Variants in DSCAML1 observed in about 807,000 individuals in gnomAD.
DSCAML1 encodes cell adhesion molecule DSCAML1.
In DSCAML1, 38 loss-of-function variants were observed where a neutral mutation model predicts 200.5. The observed-to-expected ratio is 0.19, with a 90% confidence interval of 0.15 to 0.25. The LOEUF (loss-of-function observed/expected upper bound fraction) is 0.25, where lower values mean the gene tolerates loss of function less well. DSCAML1 is among the 10% of genes least tolerant of loss of function. The pLI is 1.00. For synonymous variants in DSCAML1, 1,215 were observed against 1,165.0 expected, an observed-to-expected ratio of 1.04 and a Z score of -0.87; for missense variants, 2,223 against 2,858.8, an observed-to-expected ratio of 0.78 and a Z score of 5.07.
chr11:117,666,639 G>T (rs114504447), intron 3 of DSCAML1, among the ~76,000 whole-genome samples: 1 of 152,192 alleles, frequency 6.6e-6, no homozygotes, highest in South Asian at 2.1e-4. Flanking sequence ...GCCTCAGGTG[G>T]TGGGGAGTAT....
At position 117,480,545 on chromosome 11, in the gene DSCAML1, T is replaced by C. The variant is rs915583755; in HGVS notation, c.2683A>G (p.Ile895Val). The C allele has an allele frequency of 3.8e-6, 6 of 1,575,098 alleles. No homozygotes were observed. The highest frequency in any genetic ancestry group is 5.2e-6 in the Non-Finnish European group (6 of 1,159,698). The stretch of plus-strand genomic sequence containing the variant: ...ATGCTCCGGGCCTTCACCTCCCGGA[T>C]CTCCAGCTCTGGGGGGTCGGGGGGC... ...QEPPDPPELE[I>V]REVKARSMNL... The change falls in exon 14 of 33, where the codon ATC becomes GTC. Residue 895 changes from isoleucine to valine, a missense_variant. By Grantham distance (29) the Ile-to-Val change is conservative (BLOSUM62 3). Coordinates refer to ENST00000651296, the MANE Select transcript of DSCAML1 (RefSeq NM_020693.4). The surrounding 1 kb of genome is among the most constrained non-coding windows in gnomAD (Gnocchi z 4.1).
Position 117,734,496 on chromosome 11 carries a change from C to T in DSCAML1, c.511+42295G>A, listed in dbSNP as rs182757602. On this transcript the variant is annotated intron_variant, in intron 3 of 32. Coordinates refer to ENST00000651296, the MANE Select transcript of DSCAML1 (RefSeq NM_020693.4). The stretch of plus-strand genomic sequence containing the variant: ...AACTCTCAGTAGACTTGGGCCACCT[C>T]GGGCTCTCCCCCAGCTCTGCTGGGT... 1.3e-3 allele frequency among the ~76,000 whole-genome samples: 198 copies of T among 151,850 alleles called. 2 individuals carry two copies. Among genetic ancestry groups the T allele is most frequent in the East Asian group, 8.5e-3 (44 of 5,190 alleles).
intron 8 of DSCAML1, among the ~76,000 whole-genome samples, chr11:117,512,761 T>TCACA (rs71037482): frequency 0.056 from 6,275 of 112,886 alleles, 166 homozygotes; most frequent in Non-Finnish European, 0.065. Flanking sequence ...TCCTCTAGGA[T>TCACA]CACACACACA....
At chr11:117,583,583 G>A (rs868316360) in intron 3 of DSCAML1, among the ~76,000 whole-genome samples, 93 of 152,178 alleles carry the variant, frequency 6.1e-4, no homozygotes, top group African/African-American at 2.0e-3. Flanking sequence ...ATTACCCTCC[G>A]TTCTGCATTG....
At chr11:117,671,169 C>A (rs2053098464) in intron 3 of DSCAML1, among the ~76,000 whole-genome samples, 1 of 152,192 alleles carries the variant, frequency 6.6e-6, no homozygotes, top group Admixed American at 6.5e-5. Context: ...GTTTGATATG[C>A]AAATGTCCTG....
intron 3 of DSCAML1, among the ~76,000 whole-genome samples, chr11:117,606,855 A>T (rs1272773208): frequency 6.6e-6 from 1 of 152,344 alleles, no homozygotes; most frequent in African/African-American, 2.4e-5. Flanking sequence ...CTTTCTGTGG[A>T]TGGTGCCTGT....
intron 3 of DSCAML1, among the ~76,000 whole-genome samples, chr11:117,587,684 C>T (rs2051177047): frequency 6.6e-6 from 1 of 152,154 alleles, no homozygotes; most frequent in South Asian, 2.1e-4. Flanking sequence ...CTGTTACCCT[C>T]TGCGAGTGGA....
intron 3 of DSCAML1, among the ~76,000 whole-genome samples, chr11:117,538,929 GCCACCCTGAAT>G (rs142545696): frequency 0.082 from 12,534 of 152,096 alleles, 638 homozygotes; most frequent in East Asian, 0.11. Flanking sequence ...CTCCTGACTG[GCCACCCTGAAT>G]CCACCACTGC....
intron 3 of DSCAML1, among the ~76,000 whole-genome samples, chr11:117,744,663 C>A (rs956528732): frequency 1.3e-5 from 2 of 152,240 alleles, no homozygotes; most frequent in Admixed American, 6.5e-5. Flanking sequence ...CCCCGGGGGG[C>A]AAAGTCCACA....
At position 117,432,427 on chromosome 11, in the gene DSCAML1, C is replaced by T. The variant is rs147907435; in HGVS notation, c.5104G>A (p.Val1702Ile). ...ATGAGGGTTGGGTGGTGCAAGGAGACGCCAGTACAGAAGCTCTGTGGGTTG... is the reference window on the plus strand; with the variant it reads ...ATGAGGGTTGGGTGGTGCAAGGAGATGCCAGTACAGAAGCTCTGTGGGTTG... ...AVNPQSFCTG[V>I]SLHHPTLIQS... Residue 1702 changes from valine (V) to isoleucine (I), a missense_variant, in exon 30 of 33, where the codon GTC (valine) becomes ATC (isoleucine). Coordinates refer to ENST00000651296, the MANE Select transcript of DSCAML1 (RefSeq NM_020693.4). 9.0e-5 allele frequency: 145 copies of T among 1,614,010 alleles called. 2 individuals carry two copies. The highest frequency in any genetic ancestry group is 5.2e-4 in the South Asian group (47 of 91,084).
chr11:117,437,856 C>A lies in DSCAML1; in HGVS notation c.4432+39G>T. 1 of 1,560,180 alleles carries A rather than the reference C, an allele frequency of 6.4e-7. No individual in the cohort carries two copies. Among genetic ancestry groups the A allele is most frequent in the Non-Finnish European group, 8.6e-7 (1 of 1,157,328 alleles). The stretch of plus-strand genomic sequence containing the variant: ...GCCCCTCTAGCCCACCCTCCCTGGG[C>A]CCATCGCTCCTTCCCTGCCCCAGTG... On this transcript the variant is annotated intron_variant, in intron 25 of 32. Coordinates refer to ENST00000651296, the MANE Select transcript of DSCAML1 (RefSeq NM_020693.4). The surrounding 1 kb of genome is among the most constrained non-coding windows in gnomAD (Gnocchi z 5.3).
Position 117,780,240 on chromosome 11 carries a change from G to GAA in DSCAML1, c.364+251_364+252dup, listed in dbSNP as rs1263833407. On this transcript the variant is annotated intron_variant, in intron 2 of 32. Transcript: ENST00000651296. The surrounding 1 kb of genome is among the most constrained non-coding windows in gnomAD (Gnocchi z 4.8). ...GAGAGAAAGAAAGAAAGGAAAGAAA[G>GAA]AAAGAAAGAAAGAAAGAAAGAAAGA... Among the ~76,000 whole-genome samples, 3 of 62,476 alleles carry GAA rather than the reference G, an allele frequency of 4.8e-5. No homozygotes were observed. The highest frequency in any genetic ancestry group is 1.2e-4 in the African/African-American group (2 of 16,444). The allele number at this position is 62,476 out of a possible 152,430, so 41.0% of individuals were successfully genotyped here.
chr11:117,461,633 G>T, intron 17 of DSCAML1, 37 bp from the exon 18 acceptor site: 1 of 1,593,114 alleles, frequency 6.3e-7, no homozygotes, highest in Non-Finnish European at 8.5e-7. Flanking sequence ...GGTCCAGTCA[G>T]TCATGGATGT....
At chr11:117,594,394 C>T (rs541529008) in intron 3 of DSCAML1, among the ~76,000 whole-genome samples, 9 of 152,214 alleles carry the variant, frequency 5.9e-5, no homozygotes, top group Non-Finnish European at 8.8e-5. Flanking sequence ...TCCCCTCTTG[C>T]GTTTTCAAAC....
At chr11:117,549,670 G>A (rs945770893) in intron 3 of DSCAML1, among the ~76,000 whole-genome samples, 2 of 152,154 alleles carry the variant, frequency 1.3e-5, no homozygotes, top group South Asian at 4.2e-4. Flanking sequence ...CCCATCCAAC[G>A]TCTACATCGG....
At chr11:117,738,290 C>A (rs2054357771) in intron 3 of DSCAML1, among the ~76,000 whole-genome samples, 1 of 152,090 alleles carries the variant, frequency 6.6e-6, no homozygotes, top group African/African-American at 2.4e-5. Flanking sequence ...TAGAATCCAC[C>A]CAGTTTTCCA....
rs563343931 is a variant in DSCAML1 at position 117,525,644 on chromosome 11, G to C, written c.659-561C>G. ...CCAGCTATTTTTTGTACTTTTAGTA[G>C]AGACAGGATTTCACCATGTTGGCCA... On this transcript the variant is annotated intron_variant, in intron 4 of 32. Transcript: ENST00000651296. Among the ~76,000 whole-genome samples, 11 of 152,202 alleles carry C rather than the reference G, an allele frequency of 7.2e-5. No individual in the cohort carries two copies. The East Asian group carries it at 1.9e-3, about 27-fold the overall frequency.
At chr11:117,795,071 G>A (rs778375007) in intron 1 of DSCAML1, among the ~76,000 whole-genome samples, 8 of 152,170 alleles carry the variant, frequency 5.3e-5, no homozygotes, top group Non-Finnish European at 8.8e-5. Context: ...AACCCCATCT[G>A]CTCCCGCCCT....
At chr11:117,578,264 A>C (rs2050985017) in intron 3 of DSCAML1, among the ~76,000 whole-genome samples, 1 of 150,712 alleles carries the variant, frequency 6.6e-6, no homozygotes, top group African/African-American at 2.4e-5. Context: ...AAAGAAGAAA[A>C]ATCTGAACTT....
Sources: allele counts gnomAD v4.1 joint callset (sites outside exome capture counted in the v4.1 genomes callset), GRCh38; gene constraint gnomAD v4.1.1; non-coding constraint Gnocchi (gnomAD v3.1); transcripts MANE v1.5; gene names NCBI Gene and HGNC (gene_info 2026-07-23, HGNC 2026-07-21).